The following SLC9A9 variants were observed in gnomAD, a reference collection of about 807,000 sequenced individuals.
The protein encoded by SLC9A9 is sodium/hydrogen exchanger 9.
SLC9A9 carries 62 observed loss-of-function variants against 77.8 expected under a neutral mutation model. The ratio of observed to expected loss-of-function variants is 0.80; its 90% CI spans 0.65 to 0.98. The LOEUF is 0.98. Ranked by LOEUF, SLC9A9 falls within the 50% of genes least tolerant of loss-of-function variation. SLC9A9 has a pLI of 0.00. For synonymous variants in SLC9A9, 320 were observed against 283.5 expected (o/e 1.13, Z -1.29); for missense variants, 775 against 774.9 (o/e 1.00, Z 0.00).
chr3:143,585,715 GA>G (rs1168096174), intron 6 of SLC9A9, among the ~76,000 whole-genome samples: 4 of 152,312 alleles, frequency 2.6e-5, no homozygotes, highest in East Asian at 1.9e-4. Context: ...ATGGGCCATA[GA>G]ACACTGGGCT....
intron 8 of SLC9A9, among the ~76,000 whole-genome samples, chr3:143,554,582 C>A (rs2036947494): frequency 6.6e-6 from 1 of 152,172 alleles, no homozygotes; most frequent in African/African-American, 2.4e-5. Context: ...CCCATGGTAG[C>A]CCCTAGCAAT....
At chr3:143,444,391 C>T (rs550602221) in intron 12 of SLC9A9, among the ~76,000 whole-genome samples, 2 of 152,226 alleles carry the variant, frequency 1.3e-5, no homozygotes, top group South Asian at 2.1e-4. Context: ...ATCATGAAGC[C>T]CAGGCAGATG....
intron 12 of SLC9A9, among the ~76,000 whole-genome samples, chr3:143,449,783 A>T (rs1308590476): frequency 1.1e-5 from 1 of 88,304 alleles, no homozygotes; most frequent in Non-Finnish European, 1.9e-5. Flanking sequence ...ATATATTTAT[A>T]TATAATTATA....
chr3:143,637,469 T>C (rs1029823206), intron 6 of SLC9A9, among the ~76,000 whole-genome samples: 2 of 152,222 alleles, frequency 1.3e-5, no homozygotes, highest in African/African-American at 4.8e-5. Flanking sequence ...AAGGCTTTGA[T>C]AAATATGGAT....
chr3:143,746,170 T>C (rs1420967968), intron 4 of SLC9A9, among the ~76,000 whole-genome samples: 1 of 152,174 alleles, frequency 6.6e-6, no homozygotes, highest in Non-Finnish European at 1.5e-5. Flanking sequence ...AGAGAATACA[T>C]GCATGGATCT....
intron 6 of SLC9A9, among the ~76,000 whole-genome samples, chr3:143,609,776 C>T (rs186774632): frequency 2.5e-4 from 38 of 152,254 alleles, no homozygotes; most frequent in South Asian, 1.9e-3. Flanking sequence ...CTTTCCACAT[C>T]GGCTCACATA....
At chr3:143,608,033 A>T (rs2037957276) in intron 6 of SLC9A9, among the ~76,000 whole-genome samples, 1 of 152,180 alleles carries the variant, frequency 6.6e-6, no homozygotes, top group African/African-American at 2.4e-5. Context: ...TGCGCAAATA[A>T]AGTGTAATAT....
intron 4 of SLC9A9, among the ~76,000 whole-genome samples, chr3:143,729,648 A>G (rs893746868): frequency 6.6e-6 from 1 of 152,118 alleles, no homozygotes; most frequent in Admixed American, 6.6e-5. Flanking sequence ...CTCTCCCAGG[A>G]GCCCTCTCTG....
chr3:143,296,849 A>G (rs771883830), intron 14 of SLC9A9, among the ~76,000 whole-genome samples: 5 of 152,096 alleles, frequency 3.3e-5, no homozygotes, highest in Non-Finnish European at 7.4e-5. Context: ...AGAAATATCA[A>G]GTCCTTTGCC....
intron 11 of SLC9A9, among the ~76,000 whole-genome samples, chr3:143,485,679 G>A (rs532586805): frequency 6.6e-6 from 1 of 152,038 alleles, no homozygotes; most frequent in East Asian, 1.9e-4. Context: ...AGACTCAAAT[G>A]TCAAGTTTTT....
intron 11 of SLC9A9, among the ~76,000 whole-genome samples, chr3:143,474,408 G>A (rs978172459): frequency 6.6e-6 from 1 of 152,148 alleles, no homozygotes; most frequent in Admixed American, 6.5e-5. Flanking sequence ...AGGAAAACAG[G>A]TTGCTGATAG....
chr3:143,307,487 G>T (rs1314121658), intron 14 of SLC9A9, among the ~76,000 whole-genome samples: 1 of 152,166 alleles, frequency 6.6e-6, no homozygotes, highest in South Asian at 2.1e-4. Flanking sequence ...ATTTAGGCTC[G>T]CAAAGTGTAG....
chr3:143,547,251 A>G (rs772278071), intron 9 of SLC9A9, among the ~76,000 whole-genome samples: 4 of 152,176 alleles, frequency 2.6e-5, no homozygotes, highest in Non-Finnish European at 4.4e-5. Context: ...TATCATCTGT[A>G]TATGATATGC....
intron 4 of SLC9A9, among the ~76,000 whole-genome samples, chr3:143,780,452 G>T (rs925581131): frequency 2.0e-4 from 31 of 152,168 alleles, no homozygotes; most frequent in Admixed American, 1.9e-3. Context: ...GGGGATTGAT[G>T]ATACAAAAGG....
chr3:143,770,632 G>A (rs779445246), intron 4 of SLC9A9, among the ~76,000 whole-genome samples: 3 of 152,092 alleles, frequency 2.0e-5, no homozygotes, highest in Non-Finnish European at 4.4e-5. Flanking sequence ...AGAGGAAGAT[G>A]TTTAATTTTG....
chr3:143,438,806 G>A (rs574516361), intron 12 of SLC9A9, among the ~76,000 whole-genome samples: 1 of 152,190 alleles, frequency 6.6e-6, no homozygotes, highest in Admixed American at 6.5e-5. Flanking sequence ...TGGCCCAGGG[G>A]ACCTCAGCTG....
chr3:143,779,543 G>T (rs2007806026), intron 4 of SLC9A9, among the ~76,000 whole-genome samples: 1 of 152,018 alleles, frequency 6.6e-6, no homozygotes, highest in African/African-American at 2.4e-5. Flanking sequence ...GCCAATTTTT[G>T]TATTTTTAGT....
chr3:143,753,767 C>A (rs2006824566), intron 4 of SLC9A9, among the ~76,000 whole-genome samples: 1 of 152,076 alleles, frequency 6.6e-6, no homozygotes, highest in Admixed American at 6.5e-5. Flanking sequence ...ACATGCATTA[C>A]CAGTGCTTCC....
At chr3:143,842,935 C>T (rs1016318528) in intron 1 of SLC9A9, among the ~76,000 whole-genome samples, 3 of 152,126 alleles carry the variant, frequency 2.0e-5, no homozygotes, top group African/African-American at 7.2e-5. Flanking sequence ...TTTTGAAGGA[C>T]TTTTGCAGCT....
Sources: allele counts gnomAD v4.1 joint callset (sites outside exome capture counted in the v4.1 genomes callset), GRCh38; gene constraint gnomAD v4.1.1; transcripts MANE v1.5; gene names NCBI Gene and HGNC (gene_info 2026-07-23, HGNC 2026-07-21).